NPAS3: variants seen among roughly 807,000 people sequenced by gnomAD.
NPAS3 encodes the protein neuronal PAS domain protein 3, also known as neuronal PAS domain-containing protein 3.
NPAS3 carries 14 observed loss-of-function variants against 73.1 expected under a neutral mutation model. That is an observed-to-expected ratio of 0.19 (90% confidence interval 0.13 to 0.30). The LOEUF (loss-of-function observed/expected upper bound fraction) is 0.30, where lower values mean the gene tolerates loss of function less well. Among genes scored for constraint, NPAS3 ranks in the 10% least tolerant of loss-of-function variants. NPAS3 has a pLI of 1.00. For missense variants in NPAS3, 1,096 were observed against 1,250.0 expected, an observed-to-expected ratio of 0.88 and a Z score of 1.86; for synonymous variants, 620 against 541.5, an observed-to-expected ratio of 1.14 and a Z score of -2.01.
chr14:33,503,930 A>G (rs1027663364), intron 4 of NPAS3, among the ~76,000 whole-genome samples: 1 of 152,036 alleles, frequency 6.6e-6, no homozygotes, highest in African/African-American at 2.4e-5. Flanking sequence ...GGTAGAAAGA[A>G]TAACTAAATA....
At chr14:33,470,593 A>G (rs2050736538) in intron 4 of NPAS3, among the ~76,000 whole-genome samples, 1 of 152,180 alleles carries the variant, frequency 6.6e-6, no homozygotes, top group Non-Finnish European at 1.5e-5. Context: ...TTCATAGGAA[A>G]ATTCTTTAGA....
rs542507321 is a variant in NPAS3 at position 33,538,946 on chromosome 14, T to G, written c.469-21175T>G. ...GATAGGATTTCTGTGACAAAGCATT[T>G]GTGATTTTATCTTTATTTTATTTGC... On this transcript the variant is annotated intron_variant, in intron 4 of 11. Coordinates refer to ENST00000356141, the Ensembl canonical transcript of NPAS3. Among the ~76,000 whole-genome samples the G allele has an allele frequency of 2.0e-5, 3 of 152,308 alleles. No homozygotes were observed. In the South Asian group the frequency reaches 6.2e-4, roughly 32 times the overall value.
At chr14:33,779,228 C>T (rs1161730751) in intron 9 of NPAS3, among the ~76,000 whole-genome samples, 4 of 152,216 alleles carry the variant, frequency 2.6e-5, no homozygotes, top group Non-Finnish European at 4.4e-5. Flanking sequence ...AAAAGACCTT[C>T]TGTGCATGTG....
chr14:33,369,090 T>A (rs1298629057), intron 4 of NPAS3, among the ~76,000 whole-genome samples: 4 of 152,128 alleles, frequency 2.6e-5, no homozygotes, highest in African/African-American at 9.7e-5. Flanking sequence ...TCAGTATAAA[T>A]ATATAATGTA....
intron 2 of NPAS3, among the ~76,000 whole-genome samples, chr14:33,196,237 C>T (rs932114303): frequency 6.6e-6 from 1 of 152,168 alleles, no homozygotes; most frequent in Non-Finnish European, 1.5e-5. Flanking sequence ...ACTTATTTTC[C>T]AGATGACCTG....
At chr14:33,799,500 A>G (rs1373609861) in intron 11 of NPAS3, among the ~76,000 whole-genome samples, 4 of 152,280 alleles carry the variant, frequency 2.6e-5, no homozygotes, top group East Asian at 3.9e-4. Context: ...ATGATTGCCA[A>G]TGCTGCTGGC....
intron 5 of NPAS3, among the ~76,000 whole-genome samples, chr14:33,671,906 CATT>C (rs1454206045): frequency 3.3e-5 from 5 of 151,882 alleles, no homozygotes; most frequent in Admixed American, 1.3e-4. Context: ...CAGAAGAACA[CATT>C]ATTGGAGGGG....
chr14:33,086,500 T>C (rs1261092845), intron 2 of NPAS3, among the ~76,000 whole-genome samples: 1 of 152,248 alleles, frequency 6.6e-6, no homozygotes, highest in East Asian at 1.9e-4. Context: ...TTTCACTGAG[T>C]TATAATTTCA....
At chr14:33,781,562 C>T (rs1009282531) in intron 9 of NPAS3, among the ~76,000 whole-genome samples, 6 of 152,104 alleles carry the variant, frequency 3.9e-5, no homozygotes, top group East Asian at 1.9e-4. Context: ...AAGGTCATGG[C>T]GACATAGAAT....
At chr14:33,630,379 T>G (rs2058344828) in intron 5 of NPAS3, among the ~76,000 whole-genome samples, 1 of 152,216 alleles carries the variant, frequency 6.6e-6, no homozygotes, top group Non-Finnish European at 1.5e-5. Flanking sequence ...GGGCAATGGC[T>G]CCAGCCCCCT....
intron 2 of NPAS3, among the ~76,000 whole-genome samples, chr14:33,164,814 T>G (rs2139335052): frequency 6.6e-6 from 1 of 151,498 alleles, no homozygotes; most frequent in South Asian, 2.1e-4. Context: ...ACCCCATTGC[T>G]TCTCCTGTGT....
chr14:33,709,228 C>T (rs373587656), intron 6 of NPAS3, among the ~76,000 whole-genome samples: 145 of 152,276 alleles, frequency 9.5e-4, no homozygotes, highest in African/African-American at 2.4e-3. Flanking sequence ...ATACCCTGCG[C>T]GCGTAAGTCA....
intron 1 of NPAS3, among the ~76,000 whole-genome samples, chr14:33,042,462 A>C (rs2040376538): frequency 6.6e-6 from 1 of 152,170 alleles, no homozygotes; most frequent in South Asian, 2.1e-4. Context: ...ATTTTGTGAA[A>C]TTTTATTAAG....
chr14:33,702,445 T>C (rs920599666), intron 6 of NPAS3, among the ~76,000 whole-genome samples: 7 of 152,188 alleles, frequency 4.6e-5, no homozygotes, highest in African/African-American at 1.2e-4. Flanking sequence ...TCTATAAATA[T>C]ACCACAAATA....
rs577145770 is a variant in NPAS3 at position 33,569,619 on chromosome 14, A to C, written c.558+9409A>C. 2.4e-3 allele frequency among the ~76,000 whole-genome samples: 344 copies of C among 141,334 alleles called. 2 individuals are homozygous for C. Among genetic ancestry groups the C allele is most frequent in the African/African-American group, 8.3e-3 (331 of 39,758 alleles). The allele number at this position is 141,334 out of a possible 152,430, so 92.7% of individuals were successfully genotyped here. A position where few individuals can be genotyped will look rare whatever the true frequency, so the allele number is the denominator to read the frequency against. ...TTTAGCACTGCTTTGCCATGGAAAC[A>C]AAAAAAAAAATTGGTTCTTCACTAG... On this transcript the variant is annotated intron_variant, in intron 5 of 11. Transcript: ENST00000356141.
chr14:33,045,590 T>C (rs557637902), intron 1 of NPAS3, among the ~76,000 whole-genome samples: 2 of 152,342 alleles, frequency 1.3e-5, no homozygotes, highest in South Asian at 4.1e-4. Context: ...TTGATGAGGC[T>C]GGTCCATTTT....
intron 2 of NPAS3, among the ~76,000 whole-genome samples, chr14:33,167,943 C>T (rs1171536720): frequency 6.6e-6 from 1 of 152,198 alleles, no homozygotes; most frequent in Non-Finnish European, 1.5e-5. Flanking sequence ...GAGATGCGAT[C>T]GCCTAAATAA....
chr14:33,406,111 T>C (rs772046076), intron 4 of NPAS3, among the ~76,000 whole-genome samples: 1 of 152,142 alleles, frequency 6.6e-6, no homozygotes, highest in East Asian at 1.9e-4. Context: ...AAAGATGTCA[T>C]CAGTGTCTTG....
chr14:33,430,812 C>T (rs1163895056), intron 4 of NPAS3, among the ~76,000 whole-genome samples: 4 of 152,148 alleles, frequency 2.6e-5, no homozygotes, highest in Non-Finnish European at 4.4e-5. Context: ...TATCTGTGCA[C>T]GTGTGCAAAC....
Sources: gnomAD v4.1 joint callset for allele counts (sites outside exome capture counted in the v4.1 genomes callset) on GRCh38, gnomAD v4.1.1 for gene constraint, MANE v1.5 for transcripts, NCBI Gene and HGNC (gene_info 2026-07-23, HGNC 2026-07-21) for gene names.